Variants in MAP2 observed in about 807,000 individuals in gnomAD.
MAP2 encodes microtubule-associated protein 2.
MAP2 carries 14 observed loss-of-function variants against 137.6 expected under a neutral mutation model. The ratio of observed to expected loss-of-function variants is 0.10; its 90% CI spans 0.07 to 0.16. The LOEUF (loss-of-function observed/expected upper bound fraction) is 0.16. MAP2 is among the 10% of genes least tolerant of loss of function. The probability of loss-of-function intolerance (pLI) is 1.00; values close to 1 mark genes in which losing one functional copy is unlikely to be tolerated. For missense variants in MAP2, 2,088 were observed against 2,191.5 expected (o/e 0.95, Z 0.94); for synonymous variants, 786 against 782.3 (o/e 1.00, Z -0.08).
chr2:209,443,420 C>T (rs1698299889), intron 1 of MAP2, among the ~76,000 whole-genome samples: 1 of 151,600 alleles, frequency 6.6e-6, no homozygotes, highest in Admixed American at 6.6e-5. Flanking sequence ...GCAGGTTCAC[C>T]GTTCTGTTTA....
chr2:209,514,608 A>G (rs573373831), intron 2 of MAP2, among the ~76,000 whole-genome samples: 2 of 152,264 alleles, frequency 1.3e-5, no homozygotes, highest in Non-Finnish European at 2.9e-5. Flanking sequence ...TATAACCTAA[A>G]TATAGGCCTT....
intron 1 of MAP2, among the ~76,000 whole-genome samples, chr2:209,436,006 C>CAGTATATATTATATATAATATATAA (rs1696081823): frequency 1.5e-5 from 1 of 66,784 alleles, no homozygotes; most frequent in Non-Finnish European, 2.4e-5. Context: ...ACTATATATA[C>CAGTATATATTATATATAATATATAA]AGTATATATT....
intron 15 of MAP2, 76 bp downstream of exon 15, chr2:209,730,038 C>A: frequency 8.1e-7 from 1 of 1,241,496 alleles, no homozygotes; most frequent in Non-Finnish European, 1.2e-6. Flanking sequence ...CAAAATAGGT[C>A]CCAGATTGTA....
chr2:209,681,283 A>G (rs2054460658), intron 7 of MAP2, among the ~76,000 whole-genome samples: 1 of 152,104 alleles, frequency 6.6e-6, no homozygotes, highest in Admixed American at 6.6e-5. Context: ...TATTGCCAAG[A>G]CCTTCCCCAG....
chr2:209,593,632 AAAAT>A lies in MAP2; in HGVS notation c.-107+13534_-107+13537del, dbSNP rs1305577874. Among the ~76,000 whole-genome samples, 15 of 61,116 alleles carry A rather than the reference AAAAT, an allele frequency of 2.5e-4. 2 individuals are homozygous for A. The highest frequency in any genetic ancestry group is 9.2e-4 in the African/African-American group (13 of 14,110). 40.1% of individuals were successfully genotyped at this position (61,116 alleles called of 152,430 possible). The stretch of plus-strand genomic sequence containing the variant: ...ACCCTGTCTCTACAAAAAAAAAAAA[AAAAT>A]ATATATATATATATATATATATATA... On this transcript the variant is annotated intron_variant, in intron 3 of 15. Transcript: ENST00000682079.
chr2:209,506,516 A>G (rs191248092), intron 1 of MAP2, among the ~76,000 whole-genome samples: 1 of 152,292 alleles, frequency 6.6e-6, no homozygotes, highest in African/African-American at 2.4e-5. Flanking sequence ...AGACTGCCAT[A>G]GATGCTCCCT....
intron 1 of MAP2, among the ~76,000 whole-genome samples, chr2:209,434,130 CTT>C (rs947077672): frequency 6.6e-6 from 1 of 152,002 alleles, no homozygotes; most frequent in Non-Finnish European, 1.5e-5. Context: ...CAGTGTACCT[CTT>C]TATGCATATA....
At chr2:209,703,288 G>A (rs1584008337) in intron 11 of MAP2, among the ~76,000 whole-genome samples, 1 of 151,996 alleles carries the variant, frequency 6.6e-6, no homozygotes, top group South Asian at 2.1e-4. Flanking sequence ...TGTAGATGAC[G>A]TGAAAATAAA....
Position 209,569,912 on chromosome 2 carries a change from A to G in MAP2, c.-171-10124A>G, listed in dbSNP as rs191828714. Reference sequence around the variant, plus strand: ...GTTTCAAAACAATCATAATAAGCCCAAATTGTCAAACAGCAAAGTTCTTTA... The same window carrying G: ...GTTTCAAAACAATCATAATAAGCCCGAATTGTCAAACAGCAAAGTTCTTTA... On this transcript the variant is annotated intron_variant, in intron 2 of 15. Coordinates refer to ENST00000682079, the MANE Select transcript of MAP2 (RefSeq NM_001375505.1). Among the ~76,000 whole-genome samples, 159 of 151,990 alleles carry G rather than the reference A, an allele frequency of 1.0e-3. No individual in the cohort carries two copies. In the Middle Eastern group the frequency reaches 0.014, roughly 13 times the overall value.
At chr2:209,663,620 C>T (rs909873013) in intron 5 of MAP2, among the ~76,000 whole-genome samples, 1 of 152,062 alleles carries the variant, frequency 6.6e-6, no homozygotes, top group Non-Finnish European at 1.5e-5. Flanking sequence ...CAGGAATACG[C>T]AAGAAGGCAT....
intron 3 of MAP2, among the ~76,000 whole-genome samples, chr2:209,597,975 T>G (rs2081773055): frequency 6.6e-6 from 1 of 152,092 alleles, no homozygotes; most frequent in Admixed American, 6.6e-5. Context: ...GACTAGAATC[T>G]CCATGAGTGT....
At chr2:209,487,119 T>C (rs1357357960) in intron 1 of MAP2, among the ~76,000 whole-genome samples, 1 of 152,234 alleles carries the variant, frequency 6.6e-6, no homozygotes. Flanking sequence ...AATTCTCATA[T>C]ACCTCTTTTG....
chr2:209,651,283 T>C (rs2094779359), intron 4 of MAP2, among the ~76,000 whole-genome samples: 1 of 152,300 alleles, frequency 6.6e-6, no homozygotes, highest in African/African-American at 2.4e-5. Flanking sequence ...TAGGCTACCA[T>C]GTCTGGTACA....
chr2:209,708,133 T>G (rs1053513712), intron 12 of MAP2, among the ~76,000 whole-genome samples: 1 of 152,088 alleles, frequency 6.6e-6, no homozygotes, highest in Admixed American at 6.6e-5. Flanking sequence ...AAGAAAGAAA[T>G]AATGTTTCTG....
intron 1 of MAP2, among the ~76,000 whole-genome samples, chr2:209,505,031 C>T (rs1326582653): frequency 6.6e-6 from 1 of 151,136 alleles, no homozygotes; most frequent in East Asian, 1.9e-4. Context: ...ATTTTAGAGA[C>T]ATATTTTTTC....
intron 2 of MAP2, among the ~76,000 whole-genome samples, chr2:209,519,832 A>G (rs79040187): frequency 0.066 from 10,098 of 152,078 alleles, 469 homozygotes; most frequent in Non-Finnish European, 0.099. Flanking sequence ...CTTAAAATGG[A>G]AAGATTGAAG....
At chr2:209,678,513 C>T in intron 5 of MAP2, 59 bp from the exon 6 acceptor site, 1 of 839,716 alleles carries the variant, frequency 1.2e-6, no homozygotes, top group East Asian at 2.8e-5. Context: ...GGTTACTTTT[C>T]CTCTTTGCTT....
chr2:209,506,720 C>G (rs288065), intron 1 of MAP2, among the ~76,000 whole-genome samples: 2 of 152,008 alleles, frequency 1.3e-5, no homozygotes, highest in Non-Finnish European at 2.9e-5. Flanking sequence ...CAAGAGACCA[C>G]TGGAAAGATT....
chr2:209,704,144 C>G, intron 11 of MAP2: 1 of 427,340 alleles, frequency 2.3e-6, no homozygotes, highest in Non-Finnish European at 4.6e-6. Context: ...TCACCAGTGT[C>G]TATTGTTGCC....
Sources: allele counts gnomAD v4.1 joint callset (sites outside exome capture counted in the v4.1 genomes callset), GRCh38; gene constraint gnomAD v4.1.1; transcripts MANE v1.5; gene names NCBI Gene and HGNC (gene_info 2026-07-23, HGNC 2026-07-21).